Variants in SNX15 observed in about 807,000 individuals in gnomAD.
SNX15 encodes sorting nexin 15.
SNX15 carries 29 observed loss-of-function variants against 35.2 expected under a neutral mutation model. That is an observed-to-expected ratio of 0.82 (90% confidence interval 0.61 to 1.12). The LOEUF (loss-of-function observed/expected upper bound fraction) is 1.12. Ranked by LOEUF, SNX15 falls within the 50% of genes most tolerant of loss-of-function variation. The pLI, the probability that SNX15 is intolerant of heterozygous loss-of-function variation, is 0.00. For synonymous variants in SNX15, 189 were observed against 188.2 expected, an observed-to-expected ratio of 1.00 and a Z score of -0.03; for missense variants, 400 against 451.5, an observed-to-expected ratio of 0.89 and a Z score of 1.03.
intron 3 of SNX15, 78 bp from the exon 4 acceptor site, chr11:65,034,769 C>A (rs1350526748): frequency 4.7e-6 from 5 of 1,064,174 alleles, no homozygotes; most frequent in Middle Eastern, 2.6e-4. Flanking sequence ...TCAGGCAGGA[C>A]CAGGAAAAGT....
intron 6 of SNX15, 189 bp from the exon 7 acceptor site, chr11:65,038,383 T>C (rs1946527411): frequency 8.7e-7 from 1 of 1,145,428 alleles, no homozygotes; most frequent in Non-Finnish European, 1.1e-6. Context: ...CAGAAGCACA[T>C]GAACCCTATC....
chr11:65,038,893 C>CA (rs1049830471), intron 7 of SNX15, 64 bp downstream of exon 7: 61 of 1,352,766 alleles, frequency 4.5e-5, no homozygotes, highest in Non-Finnish European at 5.4e-5. Flanking sequence ...ATGAAGGGAG[C>CA]AAAAAAACAA....
chr11:65,027,615 C>G lies in SNX15; in HGVS notation c.78C>G (p.Thr26=). 1.2e-6 allele frequency: 2 copies of G among 1,613,862 alleles called. No homozygotes were observed. Among genetic ancestry groups the G allele is most frequent in the Non-Finnish European group, 1.7e-6 (2 of 1,179,778 alleles). ...CCAGGACTCACCCCAAGGGCTACACCGAGTACAAAGTAACCGCGCAGGTGA... is the reference window on the plus strand; with the variant it reads ...CCAGGACTCACCCCAAGGGCTACACGGAGTACAAAGTAACCGCGCAGGTGA... ...SDPRTHPKGY[T]EYKVTAQFIS... is the part of the protein sequence containing the mutation. The change falls in exon 1 of 8, where the codon ACC becomes ACG. Residue 26 remains threonine, a synonymous_variant. Transcript: ENST00000377244.
intron 3 of SNX15, among the ~76,000 whole-genome samples, chr11:65,033,721 G>T (rs1946467556): frequency 6.6e-6 from 1 of 151,232 alleles, no homozygotes; most frequent in Non-Finnish European, 1.5e-5. Context: ...TTTGTTTTTT[G>T]AGACAGAGTC....
intron 7 of SNX15, 114 bp from the exon 8 acceptor site, chr11:65,039,572 A>C: frequency 4.7e-6 from 3 of 641,460 alleles, no homozygotes; most frequent in Non-Finnish European, 8.5e-6. Context: ...GCTGGGCCCC[A>C]GAGAGGAGGG....
At chr11:65,034,167 T>G (rs1372259819) in intron 3 of SNX15, among the ~76,000 whole-genome samples, 2 of 152,168 alleles carry the variant, frequency 1.3e-5, no homozygotes, top group African/African-American at 4.8e-5. Context: ...GCACCTGTAA[T>G]CTCAGTGCTT....
Position 65,039,725 on chromosome 11 carries a change from A to C in SNX15, c.962A>C (p.Lys321Thr), listed in dbSNP as rs1339813123. 1.9e-6 allele frequency: 3 copies of C among 1,613,638 alleles called. No individual in the cohort carries two copies. Among genetic ancestry groups the C allele is most frequent in the Non-Finnish European group, 2.5e-6 (3 of 1,179,888 alleles). ...GCCCGCCAGGAAGGTGTGAAGAAGA[A>C]GGCAGCTGAGTACCTGAAGCGGGCA... ...LPARQEGVKK[K>T]AAEYLKRAEE... The change falls in exon 8 of 8, where the codon AAG (lysine) becomes ACG (threonine). Residue 321 changes from lysine (K) to threonine (T), a missense_variant. Transcript: ENST00000377244.
At position 65,039,672 on chromosome 11, in the gene SNX15, T is replaced by G. The variant is rs1946555981; in HGVS notation, c.923-14T>G. 6.2e-6 allele frequency: 10 copies of G among 1,601,312 alleles called. No homozygotes were observed. Among genetic ancestry groups the G allele is most frequent in the Non-Finnish European group, 6.0e-6 (7 of 1,170,256 alleles). On this transcript the variant is annotated splice_polypyrimidine_tract_variant and intron_variant, in intron 7 of 7. Transcript: ENST00000377244. ...GGTGCCCAGGTGCCTCAGCTGAGCA[T>G]TCTCTCTCCACAGGTGACCCGTTGC...
At chr11:65,031,631 C>T (rs886864199) in intron 1 of SNX15, among the ~76,000 whole-genome samples, 3 of 152,154 alleles carry the variant, frequency 2.0e-5, no homozygotes, top group Admixed American at 6.6e-5. Flanking sequence ...GGCTGATGGC[C>T]GGGTGCTCAC....
chr11:65,034,848 C>T lies in SNX15; in HGVS notation c.258C>T (p.Gly86=), dbSNP rs1228638125. 1 of 1,613,078 alleles carries T rather than the reference C, an allele frequency of 6.2e-7. No homozygotes were observed. The highest frequency in any genetic ancestry group is 1.3e-5 in the African/African-American group (1 of 74,920). The change falls in exon 4 of 8, where the codon GGC becomes GGT. Residue 86 remains glycine, a splice_region_variant and synonymous_variant. Coordinates refer to ENST00000377244, the MANE Select transcript of SNX15 (RefSeq NM_013306.5). ...FPAFPRAQVF[G]RFEASVIEER... is the part of the protein sequence containing the mutation. ...TGTTCCTTGTCCTGGGGGCCGTAGG[C>T]CGGTTTGAAGCCTCAGTGATCGAGG...
In SNX15 at chr11:65,032,472, T is replaced by G; in HGVS notation, c.177T>G (p.His59Gln). ...GGTACAGCGACTTCCGCAAGCTGCA[T>G]GGAGACCTGGCCTACACCCACCGCA... ...WKRYSDFRKL[H>Q]GDLAYTHRNL... is the part of the protein sequence containing the mutation. Residue 59 changes from histidine to glutamine, a missense_variant, in exon 3 of 8, where the codon CAT becomes CAG. His to Gln is a conservative substitution (Grantham distance 24, BLOSUM62 0). Transcript: ENST00000377244. 1 of 1,614,212 alleles carries G rather than the reference T, an allele frequency of 6.2e-7. No homozygotes were observed.
chr11:65,032,065 A>G, intron 1 of SNX15, 103 bp from the exon 2 acceptor site: 1 of 1,145,910 alleles, frequency 8.7e-7, no homozygotes, highest in Non-Finnish European at 1.3e-6. Context: ...GCCAAAGGCT[A>G]CTGCCCCGTG....
At chr11:65,031,876 G>A (rs983556002) in intron 1 of SNX15, among the ~76,000 whole-genome samples, 11 of 151,966 alleles carry the variant, frequency 7.2e-5, no homozygotes, top group Admixed American at 6.6e-5. Context: ...CAGCCTGGGC[G>A]ACAGAGCGAG....
In SNX15 at chr11:65,033,875, T is replaced by A. The variant is rs1209029186; in HGVS notation, c.257-972T>A. Among the ~76,000 whole-genome samples, 5 of 152,098 alleles carry A rather than the reference T, an allele frequency of 3.3e-5. 1 individual carries two copies. The East Asian group carries it at 9.8e-4, about 30-fold the overall frequency. ...GTAGTGTGCGCCACCACACCTAATT[T>A]TTTTTTATTTTTAGTAGAGACAGGG... On this transcript the variant is annotated intron_variant, in intron 3 of 7. Coordinates refer to ENST00000377244, the MANE Select transcript of SNX15 (RefSeq NM_013306.5).
chr11:65,032,526 T>C lies in SNX15; in HGVS notation c.231T>C (p.Pro77=), dbSNP rs534236. 0.59 allele frequency: 955,205 copies of C among 1,613,766 alleles called. 294,170 individuals are homozygous for C. Among genetic ancestry groups the C allele is most frequent in the Middle Eastern group, 0.66 (4,012 of 6,062 alleles). Residue 77 remains proline (P), a synonymous_variant, in exon 3 of 8, where the codon CCT becomes CCC. Coordinates refer to ENST00000377244, the MANE Select transcript of SNX15 (RefSeq NM_013306.5). ...TCTTCCGCCGCCTCGAGGAGTTCCC[T>C]GCTTTCCCCCGGGCCCAGGTGTTTG... ...RNLFRRLEEF[P]AFPRAQVFGR...
intron 6 of SNX15, 129 bp from the exon 7 acceptor site, chr11:65,038,443 G>A: frequency 7.0e-6 from 9 of 1,277,722 alleles, no homozygotes; most frequent in Non-Finnish European, 9.3e-6. Context: ...CTTCTGGATT[G>A]CTCTGGCATT....
At chr11:65,035,414 T>G (rs1946490092) in intron 5 of SNX15, 106 bp from the exon 6 acceptor site, 1 of 1,357,000 alleles carries the variant, frequency 7.4e-7, no homozygotes, top group African/African-American at 1.5e-5. Flanking sequence ...AATAACAGGC[T>G]TGTCTATGCC....
At chr11:65,030,161 T>C (rs1946424877) in intron 1 of SNX15, among the ~76,000 whole-genome samples, 1 of 151,766 alleles carries the variant, frequency 6.6e-6, no homozygotes, top group South Asian at 2.1e-4. Flanking sequence ...TCGAGACCAT[T>C]CTGGCCAACA....
At chr11:65,028,985 G>A (rs1363466851) in intron 1 of SNX15, among the ~76,000 whole-genome samples, 1 of 151,992 alleles carries the variant, frequency 6.6e-6, no homozygotes, top group Non-Finnish European at 1.5e-5. Context: ...CAGGTACTCG[G>A]GAGGCTGAGG....
Sources: gnomAD v4.1 joint callset for allele counts (sites outside exome capture counted in the v4.1 genomes callset) on GRCh38, gnomAD v4.1.1 for gene constraint, MANE v1.5 for transcripts, NCBI Gene and HGNC (gene_info 2026-07-23, HGNC 2026-07-21) for gene names.